Variants in BDKRB2 observed in about 807,000 individuals in gnomAD.
The protein encoded by BDKRB2 is B2 bradykinin receptor.
In BDKRB2, 6 loss-of-function variants were observed where a neutral mutation model predicts 4.0. The ratio of observed to expected loss-of-function variants is 1.49; its 90% CI spans 0.81 to 2.93. The LOEUF (loss-of-function observed/expected upper bound fraction) is 2.93. Ranked by LOEUF, BDKRB2 falls within the 30% of genes most tolerant of loss-of-function variation. The pLI is 0.00. For missense variants in BDKRB2, 478 were observed against 520.1 expected, an observed-to-expected ratio of 0.92 and a Z score of 0.79; for synonymous variants, 225 against 215.3, an observed-to-expected ratio of 1.05 and a Z score of -0.40.
intron 1 of BDKRB2, among the ~76,000 whole-genome samples, chr14:96,232,768 A>T (rs904482099): frequency 6.6e-6 from 1 of 152,212 alleles, no homozygotes; most frequent in Non-Finnish European, 1.5e-5. Context: ...CGACTAGATT[A>T]TTCAATTCAA....
intron 1 of BDKRB2, among the ~76,000 whole-genome samples, chr14:96,208,996 T>C (rs1890247203): frequency 6.6e-6 from 1 of 152,132 alleles, no homozygotes; most frequent in South Asian, 2.1e-4. Flanking sequence ...GTCGCTTCTG[T>C]GGTTCTTATC....
chr14:96,214,585 T>C (rs540336368), intron 1 of BDKRB2: 66 of 152,484 alleles, frequency 4.3e-4, no homozygotes, highest in Middle Eastern at 3.4e-3. Context: ...CCCTTCGTTG[T>C]ACAGCAGGTT....
chr14:96,225,576 G>A (rs1487812494), intron 1 of BDKRB2, among the ~76,000 whole-genome samples: 3 of 152,134 alleles, frequency 2.0e-5, no homozygotes, highest in Non-Finnish European at 2.9e-5. Flanking sequence ...GGAGCTGAAA[G>A]GGCAATAGTA....
At chr14:96,224,275 T>C (rs1327858498) in intron 1 of BDKRB2, among the ~76,000 whole-genome samples, 1 of 152,042 alleles carries the variant, frequency 6.6e-6, no homozygotes, top group Non-Finnish European at 1.5e-5. Context: ...TTTTCCATAA[T>C]AAAAAGTTAA....
chr14:96,239,647 A>T, intron 2 of BDKRB2: 2 of 958,468 alleles, frequency 2.1e-6, no homozygotes, highest in Non-Finnish European at 2.5e-6. Context: ...ATTGTCTCTG[A>T]TCCCTATCAC....
chr14:96,208,917 T>A (rs1023695829), intron 1 of BDKRB2, among the ~76,000 whole-genome samples: 13 of 152,172 alleles, frequency 8.5e-5, no homozygotes, highest in Admixed American at 3.3e-4. Context: ...CATCTGGAAA[T>A]GAGCAGTGCC....
At chr14:96,210,658 C>T (rs1890283068) in intron 1 of BDKRB2, among the ~76,000 whole-genome samples, 1 of 152,144 alleles carries the variant, frequency 6.6e-6, no homozygotes. Context: ...CTGTGGGGGT[C>T]TGGCTAATGT....
chr14:96,222,907 T>C (rs1171235662), intron 1 of BDKRB2, among the ~76,000 whole-genome samples: 2 of 152,152 alleles, frequency 1.3e-5, no homozygotes, highest in Non-Finnish European at 2.9e-5. Flanking sequence ...ATGTGGCTAC[T>C]AGAAAATTTG....
At chr14:96,216,208 C>A (rs992234990) in intron 1 of BDKRB2, among the ~76,000 whole-genome samples, 3 of 152,182 alleles carry the variant, frequency 2.0e-5, no homozygotes, top group African/African-American at 4.8e-5. Context: ...CCACATATAG[C>A]CTGTGCCTTA....
At chr14:96,206,957 C>T (rs1004341153) in intron 1 of BDKRB2, among the ~76,000 whole-genome samples, 3 of 152,158 alleles carry the variant, frequency 2.0e-5, no homozygotes, top group African/African-American at 4.8e-5. Context: ...TATGCATCCT[C>T]ATATGGTGGA....
rs1566688857 is a variant in BDKRB2 at position 96,216,715 on chromosome 14, A to AGGAAGGAGGAG, written c.-40+11757_-40+11758insGAAGGAGGAGG. ...GAGGAAGGAGGAGGAAGGAGGAGGA[A>AGGAAGGAGGAG]GAGGAAGGAGGAGGAGGAAGGAGGA... On this transcript the variant is annotated intron_variant, in intron 1 of 2. Coordinates refer to ENST00000554311, the MANE Select transcript of BDKRB2 (RefSeq NM_001379692.1). Among the ~76,000 whole-genome samples, 6 of 72,474 alleles carry AGGAAGGAGGAG rather than the reference A, an allele frequency of 8.3e-5. 1 individual carries two copies. Among genetic ancestry groups the AGGAAGGAGGAG allele is most frequent in the Non-Finnish European group, 1.7e-4 (5 of 29,566 alleles). 47.5% of individuals were successfully genotyped at this position (72,474 alleles called of 152,430 possible). A position where few individuals can be genotyped will look rare whatever the true frequency, so the allele number is the denominator to read the frequency against.
chr14:96,240,174 G>C, intron 2 of BDKRB2: 1 of 1,269,354 alleles, frequency 7.9e-7, no homozygotes, highest in Non-Finnish European at 9.9e-7. Flanking sequence ...GTGGAGCCTC[G>C]AGATGAAGAA....
At chr14:96,234,569 C>T (rs1890889995) in intron 1 of BDKRB2, among the ~76,000 whole-genome samples, 1 of 152,214 alleles carries the variant, frequency 6.6e-6, no homozygotes, top group African/African-American at 2.4e-5. Context: ...GGGATCCTCA[C>T]CCAGGGCACG....
rs373547737 is a variant in BDKRB2, at chr14:96,243,473, A to T, written c.*1969A>T. The T allele has an allele frequency of 6.6e-5, 10 of 152,312 alleles. No homozygotes were observed. Among genetic ancestry groups the T allele is most frequent in the Admixed American group, 5.9e-4 (9 of 15,280 alleles). The allele number at this position is 152,312 out of a possible 1,614,324, so 9.4% of individuals were successfully genotyped here. A position where few individuals can be genotyped will look rare whatever the true frequency, so the allele number is the denominator to read the frequency against. On this transcript the variant is annotated 3_prime_UTR_variant, in exon 3 of 3. Transcript: ENST00000554311. ...TAGAAGGGCTAGAACCTGGAGAGCC[A>T]GAACCTGGAGGGCTAGAACCTGGAA...
Position 96,240,954 on chromosome 14 carries a change from C to A in BDKRB2, c.626C>A (p.Thr209Asn), listed in dbSNP as rs200062156. The change falls in exon 3 of 3, where the codon ACC becomes AAC. Residue 209 changes from threonine to asparagine, a missense_variant. Transcript: ENST00000554311. ...KEYSDEGHNVTACVISYPSLI... is the reference protein window; with the variant it reads ...KEYSDEGHNVNACVISYPSLI... Reference sequence around the variant, plus strand: ...TACAGCGATGAGGGCCACAACGTCACCGCTTGTGTCATCAGCTACCCATCC... The same window carrying A: ...TACAGCGATGAGGGCCACAACGTCAACGCTTGTGTCATCAGCTACCCATCC... 8.8e-5 allele frequency: 140 copies of A among 1,592,454 alleles called. No individual in the cohort carries two copies. The highest frequency in any genetic ancestry group is 1.1e-4 in the Non-Finnish European group (130 of 1,168,106).
chr14:96,219,447 G>T (rs1283753555), intron 1 of BDKRB2, among the ~76,000 whole-genome samples: 1 of 152,010 alleles, frequency 6.6e-6, no homozygotes, highest in South Asian at 2.1e-4. Flanking sequence ...CTTGGCTCCT[G>T]CTGCTCTGCC....
At chr14:96,214,381 C>G (rs989650381) in intron 1 of BDKRB2, among the ~76,000 whole-genome samples, 1 of 152,130 alleles carries the variant, frequency 6.6e-6, no homozygotes, top group Non-Finnish European at 1.5e-5. Context: ...GGACGGGAAC[C>G]AACAGGAAGG....
At chr14:96,219,524 G>A (rs562440428) in intron 1 of BDKRB2, among the ~76,000 whole-genome samples, 19 of 151,524 alleles carry the variant, frequency 1.3e-4, no homozygotes, top group Non-Finnish European at 2.6e-4. Context: ...CAGAGGCAAT[G>A]GTGTGCTGGT....
At position 96,243,153 on chromosome 14, in the gene BDKRB2, T is replaced by A. The variant is rs922259509; in HGVS notation, c.*1649T>A. 3.3e-5 allele frequency: 5 copies of A among 151,330 alleles called. No individual in the cohort carries two copies. Among genetic ancestry groups the A allele is most frequent in the African/African-American group, 1.3e-4 (5 of 39,044 alleles). The allele number at this position is 151,330 out of a possible 1,614,324, so 9.4% of individuals were successfully genotyped here. ...TCTGGAGAGCTAGAACCTGGAGGGC[T>A]AGAACCTGGAGGGCTAGAATCTGGA... On this transcript the variant is annotated 3_prime_UTR_variant, in exon 3 of 3. Transcript: ENST00000554311.
Sources: allele counts gnomAD v4.1 joint callset (sites outside exome capture counted in the v4.1 genomes callset), GRCh38; gene constraint gnomAD v4.1.1; transcripts MANE v1.5; gene names NCBI Gene and HGNC (gene_info 2026-07-23, HGNC 2026-07-21).